Variants in CRYBB2 observed in about 807,000 individuals in gnomAD.
CRYBB2 encodes beta-crystallin B2.
CRYBB2 carries 12 observed loss-of-function variants against 24.3 expected under a neutral mutation model. The ratio of observed to expected loss-of-function variants is 0.49; its 90% CI spans 0.32 to 0.80. The LOEUF is 0.80. Ranked by LOEUF, CRYBB2 falls within the 30% of genes least tolerant of loss-of-function variation. The pLI is 0.04. For missense variants in CRYBB2, 198 were observed against 268.5 expected, an observed-to-expected ratio of 0.74 and a Z score of 1.83; for synonymous variants, 98 against 101.6, an observed-to-expected ratio of 0.96 and a Z score of 0.21.
At chr22:25,212,076 T>C (rs948464609), upstream of CRYBB2, among the ~76,000 whole-genome samples, 1 of 152,220 alleles carries the variant, frequency 6.6e-6, no homozygotes, top group Non-Finnish European at 1.5e-5. Flanking sequence ...AGAAAGGGCT[T>C]AGAACAATGA....
intron 5 of CRYBB2, among the ~76,000 whole-genome samples, chr22:25,230,315 C>T (rs1935508302): frequency 6.7e-6 from 1 of 150,272 alleles, no homozygotes; most frequent in African/African-American, 2.5e-5. Flanking sequence ...CACCACCAAG[C>T]TCAGCTGATT....
chr22:25,216,802 C>G (rs899479670), upstream of CRYBB2, among the ~76,000 whole-genome samples: 4 of 152,166 alleles, frequency 2.6e-5, no homozygotes, highest in African/African-American at 9.7e-5. Context: ...CTCCCAGCCC[C>G]CAGTAACCTC....
intron 5 of CRYBB2, among the ~76,000 whole-genome samples, chr22:25,230,977 G>C (rs1490961325): frequency 6.6e-6 from 1 of 152,150 alleles, no homozygotes; most frequent in African/African-American, 2.4e-5. Flanking sequence ...TGGTGTGTGT[G>C]GGGGAGCCTG....
intron 5 of CRYBB2, among the ~76,000 whole-genome samples, chr22:25,231,152 A>C (rs1935524242): frequency 6.6e-6 from 1 of 152,168 alleles, no homozygotes; most frequent in South Asian, 2.1e-4. Context: ...CACTTTCATT[A>C]AGTAGCCCCT....
intron 5 of CRYBB2, among the ~76,000 whole-genome samples, chr22:25,231,331 ACAG>A (rs1451878299): frequency 0.049 from 1,938 of 39,476 alleles, 69 homozygotes; most frequent in East Asian, 0.24. Flanking sequence ...CCAGTACAGT[ACAG>A]TACAGTACAG....
chr22:25,217,478 C>A (rs4822580), upstream of CRYBB2, among the ~76,000 whole-genome samples: 1 of 151,964 alleles, frequency 6.6e-6, no homozygotes, highest in South Asian at 2.1e-4. Flanking sequence ...CCACCATGCC[C>A]GGCTAATTTT....
At chr22:25,222,069 A>G (rs939947689) in intron 2 of CRYBB2, among the ~76,000 whole-genome samples, 1 of 152,142 alleles carries the variant, frequency 6.6e-6, no homozygotes, top group African/African-American at 2.4e-5. Context: ...TCTTATCCCA[A>G]CGTCAGAGGC....
intron 5 of CRYBB2, among the ~76,000 whole-genome samples, chr22:25,231,335 TAC>T: frequency 1.3e-5 from 1 of 76,234 alleles, no homozygotes; most frequent in Non-Finnish European, 2.5e-5. Context: ...TACAGTACAG[TAC>T]AGTACAGTAC....
Position 25,231,763 on chromosome 22 carries a change from C to T in CRYBB2, c.609C>T (p.Pro203=), listed in dbSNP as rs1920986150. ...GGCACCAACGTGGTGCCTTCCACCC[C>T]TCCAACTAGTGCCCTCCCCACCATG... ...MQWHQRGAFH[P]SN is the part of the protein sequence containing the mutation. Residue 203 remains proline, a synonymous_variant, in exon 6 of 6, where the codon CCC becomes CCT. Coordinates refer to ENST00000398215, the MANE Select transcript of CRYBB2 (RefSeq NM_000496.3). The T allele has an allele frequency of 1.9e-6, 3 of 1,614,136 alleles. No individual in the cohort carries two copies. The highest frequency in any genetic ancestry group is 1.6e-4 in the Middle Eastern group (1 of 6,062).
At chr22:25,221,293 C>G in intron 1 of CRYBB2, 111 bp from the exon 2 acceptor site, 1 of 742,132 alleles carries the variant, frequency 1.3e-6, no homozygotes, top group Middle Eastern at 2.3e-4. Context: ...AGTCTGAAAC[C>G]AGGAGAAAAA....
At chr22:25,212,280 G>A (rs938326057), upstream of CRYBB2, among the ~76,000 whole-genome samples, 8 of 152,214 alleles carry the variant, frequency 5.3e-5, no homozygotes, top group Non-Finnish European at 1.2e-4. Context: ...AAAGACATCT[G>A]TAGAAACAGG....
At chr22:25,216,396 G>A (rs1461972236), upstream of CRYBB2, among the ~76,000 whole-genome samples, 1 of 152,188 alleles carries the variant, frequency 6.6e-6, no homozygotes, top group Non-Finnish European at 1.5e-5. Flanking sequence ...TGCACTAAGG[G>A]AAGATGATGT....
chr22:25,230,993 T>C (rs1569022341), intron 5 of CRYBB2, among the ~76,000 whole-genome samples: 1 of 151,886 alleles, frequency 6.6e-6, no homozygotes, highest in Non-Finnish European at 1.5e-5. Flanking sequence ...GCCTGGTAGG[T>C]CTGAGAAACT....
upstream of CRYBB2, among the ~76,000 whole-genome samples, chr22:25,218,873 G>A (rs182769520): frequency 8.9e-3 from 1,261 of 142,140 alleles, 12 homozygotes; most frequent in South Asian, 0.027. Context: ...AAGAGAAACA[G>A]CCAGGGGCCT....
chr22:25,231,095 G>A lies in CRYBB2; in HGVS notation c.450-509G>A, dbSNP rs151220571. Among the ~76,000 whole-genome samples the A allele has an allele frequency of 4.6e-3, 708 of 152,290 alleles. 4 individuals carry two copies. Among genetic ancestry groups the A allele is most frequent in the Non-Finnish European group, 7.1e-3 (484 of 68,026 alleles). ...GTGTCCACAGAAACTGGCCAGGCAG[G>A]TCCTTGCAGGCCAGGCCTGTGTGAC... On this transcript the variant is annotated intron_variant, in intron 5 of 5. Transcript: ENST00000398215.
At chr22:25,218,861 G>GAAAGAGAAAGAAAGGGAAAGAAAGA (rs1569016615), upstream of CRYBB2, among the ~76,000 whole-genome samples, 1 of 145,958 alleles carries the variant, frequency 6.9e-6, no homozygotes, top group African/African-American at 2.6e-5. Context: ...AGAAAGAAAA[G>GAAAGAGAAAGAAAGGGAAAGAAAGA]AAAGAGAAAC....
chr22:25,221,453 G>A lies in CRYBB2; in HGVS notation c.24G>A (p.Gln8=). Reference sequence around the variant, plus strand: ...CCATGGCCTCAGATCACCAGACCCAGGCGGGCAAGCCACAGTCCCTCAACC... The same window carrying A: ...CCATGGCCTCAGATCACCAGACCCAAGCGGGCAAGCCACAGTCCCTCAACC... MASDHQT[Q]AGKPQSLNPK... The change falls in exon 2 of 6, where the codon CAG becomes CAA. Residue 8 remains glutamine, a synonymous_variant. Coordinates refer to ENST00000398215, the MANE Select transcript of CRYBB2 (RefSeq NM_000496.3). The A allele has an allele frequency of 6.2e-7, 1 of 1,614,036 alleles. No homozygotes were observed. The highest frequency in any genetic ancestry group is 1.1e-5 in the South Asian group (1 of 91,086).
upstream of CRYBB2, among the ~76,000 whole-genome samples, chr22:25,218,820 A>AAGAAAGAAAGAAAG (rs1569016447): frequency 0.018 from 1,614 of 90,658 alleles, 30 homozygotes; most frequent in East Asian, 0.027. Context: ...GAAAGAAAGA[A>AAGAAAGAAAGAAAG]AGAAAGAAAG....
Position 25,231,346 on chromosome 22 carries a change from ACAGTACAGG to A in CRYBB2, c.450-256_450-248del, listed in dbSNP as rs1229192923. Among the ~76,000 whole-genome samples, 3 of 134,980 alleles carry A rather than the reference ACAGTACAGG, an allele frequency of 2.2e-5. No individual in the cohort carries two copies. The East Asian group carries it at 8.0e-4, about 36-fold the overall frequency. The allele number at this position is 134,980 out of a possible 152,430, so 88.6% of individuals were successfully genotyped here. ...CCAGTACAGTACAGTACAGTACAGTACAGTACAGGCCTTCAGTCAAAATTTGCTTCAGGA... is the reference window on the plus strand; with the variant it reads ...CCAGTACAGTACAGTACAGTACAGTACCTTCAGTCAAAATTTGCTTCAGGA... On this transcript the variant is annotated intron_variant, in intron 5 of 5. Coordinates refer to ENST00000398215, the MANE Select transcript of CRYBB2 (RefSeq NM_000496.3).
Sources: allele counts gnomAD v4.1 joint callset (sites outside exome capture counted in the v4.1 genomes callset), GRCh38; gene constraint gnomAD v4.1.1; transcripts MANE v1.5; gene names NCBI Gene and HGNC (gene_info 2026-07-23, HGNC 2026-07-21).